KCNIP4: variants seen among roughly 807,000 people sequenced by gnomAD.
The protein encoded by KCNIP4 is potassium voltage-gated channel interacting protein 4, also known as Kv channel-interacting protein 4.
A neutral mutation model predicts 34.0 loss-of-function variants in KCNIP4; 12 were observed. The ratio of observed to expected loss-of-function variants is 0.35; its 90% CI spans 0.23 to 0.57. The LOEUF (loss-of-function observed/expected upper bound fraction) is 0.57, where lower values mean the gene tolerates loss of function less well. Ranked by LOEUF, KCNIP4 falls within the 20% of genes least tolerant of loss-of-function variation. KCNIP4 has a pLI of 0.83. For synonymous variants in KCNIP4, 124 were observed against 102.2 expected (o/e 1.21, Z -1.29); for missense variants, 238 against 311.7 (o/e 0.76, Z 1.78).
chr4:21,541,187 A>AAAT (rs1737660492), intron 1 of KCNIP4, among the ~76,000 whole-genome samples: 1 of 150,962 alleles, frequency 6.6e-6, no homozygotes, highest in South Asian at 2.1e-4. Flanking sequence ...AAACAAAAAA[A>AAAT]AAAAAAAAAA....
chr4:21,103,650 C>A (rs144293460), intron 1 of KCNIP4, among the ~76,000 whole-genome samples: 1 of 149,596 alleles, frequency 6.7e-6, no homozygotes, highest in Non-Finnish European at 1.5e-5. Context: ...TAGTTACATA[C>A]GTATACATGT....
At chr4:21,261,612 CACTA>C (rs1321072271) in intron 1 of KCNIP4, among the ~76,000 whole-genome samples, 1 of 152,154 alleles carries the variant, frequency 6.6e-6, no homozygotes, top group Non-Finnish European at 1.5e-5. Flanking sequence ...CATCCAGTCT[CACTA>C]ATGGTCACCC....
At chr4:21,447,034 G>C (rs1458770117) in intron 1 of KCNIP4, among the ~76,000 whole-genome samples, 3 of 151,910 alleles carry the variant, frequency 2.0e-5, no homozygotes, top group African/African-American at 4.8e-5. Context: ...AACATCAACT[G>C]TTATCTGAAT....
At chr4:21,570,917 T>G (rs908450641) in intron 1 of KCNIP4, among the ~76,000 whole-genome samples, 1 of 152,154 alleles carries the variant, frequency 6.6e-6, no homozygotes, top group African/African-American at 2.4e-5. Flanking sequence ...ATAGAGTACA[T>G]CTTTTGGTCA....
chr4:21,025,121 T>C (rs189866911), intron 1 of KCNIP4, among the ~76,000 whole-genome samples: 5 of 152,222 alleles, frequency 3.3e-5, no homozygotes, highest in Admixed American at 2.0e-4. Context: ...GCAAGAAAAA[T>C]GTAAGATTTT....
At chr4:21,707,147 T>C (rs1430219083) in intron 1 of KCNIP4, among the ~76,000 whole-genome samples, 1 of 152,190 alleles carries the variant, frequency 6.6e-6, no homozygotes, top group Non-Finnish European at 1.5e-5. Context: ...AACCATACGA[T>C]AAACATTTTA....
intron 1 of KCNIP4, among the ~76,000 whole-genome samples, chr4:21,503,680 T>C (rs1225386672): frequency 2.0e-5 from 3 of 152,192 alleles, no homozygotes; most frequent in African/African-American, 7.2e-5. Flanking sequence ...AAATCTTTTA[T>C]AGCAGAAAAG....
chr4:20,998,353 G>A (rs1016096845), intron 1 of KCNIP4, among the ~76,000 whole-genome samples: 4 of 152,280 alleles, frequency 2.6e-5, no homozygotes, highest in Admixed American at 2.6e-4. Context: ...GCAAGTGTGT[G>A]TACAGGGGCC....
intron 3 of KCNIP4, among the ~76,000 whole-genome samples, chr4:20,788,465 C>T (rs1013201443): frequency 1.3e-5 from 2 of 152,070 alleles, no homozygotes; most frequent in East Asian, 3.8e-4. Context: ...CAGTTCATGG[C>T]AGAAGAAGAG....
At chr4:21,265,476 G>A (rs1365100009) in intron 1 of KCNIP4, among the ~76,000 whole-genome samples, 1 of 152,138 alleles carries the variant, frequency 6.6e-6, no homozygotes, top group African/African-American at 2.4e-5. Context: ...ATGGAAGATG[G>A]CTTTTGTTGA....
At chr4:20,744,140 TA>T (rs1417022555) in intron 5 of KCNIP4, among the ~76,000 whole-genome samples, 3 of 151,396 alleles carry the variant, frequency 2.0e-5, no homozygotes, top group Non-Finnish European at 4.4e-5. Flanking sequence ...TGTGGAGAAA[TA>T]GGAACACTTT....
chr4:21,479,376 G>A (rs1731243481), intron 1 of KCNIP4, among the ~76,000 whole-genome samples: 1 of 152,160 alleles, frequency 6.6e-6, no homozygotes, highest in African/African-American at 2.4e-5. Context: ...CTGTGGGAAA[G>A]TGAATAAGTG....
intron 1 of KCNIP4, among the ~76,000 whole-genome samples, chr4:21,598,426 C>T (rs899538980): frequency 3.9e-5 from 6 of 152,094 alleles, no homozygotes; most frequent in Non-Finnish European, 7.4e-5. Flanking sequence ...CAATACTCAA[C>T]CCTGCAGTTG....
chr4:21,270,831 T>G lies in KCNIP4; in HGVS notation c.62-388122A>C, dbSNP rs112590737. On this transcript the variant is annotated intron_variant, in intron 1 of 8. Transcript: ENST00000382152. ...GTGAAAACCCGTCTCTACTAAAAAT[T>G]CAAAAATTAGCCAGGAATGTGGTGT... is the stretch of plus-strand genomic sequence containing the variant. Among the ~76,000 whole-genome samples the G allele has an allele frequency of 1.3e-5, 2 of 151,868 alleles. 1 individual carries two copies. Among genetic ancestry groups the G allele is most frequent in the African/African-American group, 4.8e-5 (2 of 41,422 alleles).
chr4:20,994,008 A>T (rs1737314404), intron 1 of KCNIP4, among the ~76,000 whole-genome samples: 1 of 152,182 alleles, frequency 6.6e-6, no homozygotes, highest in Non-Finnish European at 1.5e-5. Context: ...TTGCTCTGAC[A>T]CTGACCCATC....
At chr4:21,472,295 C>G (rs900621931) in intron 1 of KCNIP4, among the ~76,000 whole-genome samples, 1 of 151,920 alleles carries the variant, frequency 6.6e-6, no homozygotes, top group African/African-American at 2.4e-5. Flanking sequence ...CAGAGGACCC[C>G]GAGATCGTAG....
intron 1 of KCNIP4, among the ~76,000 whole-genome samples, chr4:21,819,936 A>C (rs1178952742): frequency 6.6e-6 from 1 of 152,124 alleles, no homozygotes; most frequent in Non-Finnish European, 1.5e-5. Context: ...CATTAAATTT[A>C]GTGGCTTAAA....
At chr4:21,277,212 G>T (rs1357188425) in intron 1 of KCNIP4, among the ~76,000 whole-genome samples, 1 of 152,098 alleles carries the variant, frequency 6.6e-6, no homozygotes, top group African/African-American at 2.4e-5. Flanking sequence ...AAAATGACTA[G>T]ATTTTTCAAC....
chr4:21,591,472 CTG>C, intron 1 of KCNIP4, among the ~76,000 whole-genome samples: 1 of 152,126 alleles, frequency 6.6e-6, no homozygotes, highest in Middle Eastern at 3.4e-3. Flanking sequence ...ATTAAAAAAA[CTG>C]AAAATAATGC....
Sources: allele counts gnomAD v4.1 joint callset (sites outside exome capture counted in the v4.1 genomes callset), GRCh38; gene constraint gnomAD v4.1.1; transcripts MANE v1.5; gene names NCBI Gene and HGNC (gene_info 2026-07-23, HGNC 2026-07-21).